The following MOCS2 variants were observed in gnomAD, a reference collection of about 807,000 sequenced individuals.
The protein encoded by MOCS2 is molybdopterin synthase catalytic subunit.
MOCS2 carries 13 observed loss-of-function variants against 21.9 expected under a neutral mutation model. The ratio of observed to expected loss-of-function variants is 0.59; its 90% confidence interval spans 0.39 to 0.94. The LOEUF is 0.94. Among genes scored for constraint, MOCS2 ranks in the 40% least tolerant of loss-of-function variants. The pLI is 0.00. For synonymous variants in MOCS2, 92 were observed against 80.8 expected (o/e 1.14, Z -0.74); for missense variants, 227 against 218.3 (o/e 1.04, Z -0.25).
intron 2 of MOCS2, 36 bp downstream of exon 2, chr5:53,108,483 TAAG>T (rs1166233454): frequency 9.0e-6 from 14 of 1,552,536 alleles, no homozygotes; most frequent in Non-Finnish European, 1.2e-5. Flanking sequence ...TGAAAATATC[TAAG>T]TGTTACTCAT....
At position 53,109,367 on chromosome 5, in the gene MOCS2, T is replaced by C. The variant is rs1741140618; in HGVS notation, c.-286A>G. 1 of 1,153,190 alleles carries C rather than the reference T, an allele frequency of 8.7e-7. No individual in the cohort carries two copies. The highest frequency in any genetic ancestry group is 1.6e-5 in the African/African-American group (1 of 62,482). 71.4% of individuals were successfully genotyped at this position (1,153,190 alleles called of 1,614,324 possible). On this transcript the variant is annotated 5_prime_UTR_variant, in exon 1 of 7. Transcript: ENST00000396954. ...CACAAGAATTCTCCATGAGGTGCAT[T>C]TCTTTTTAGATTAAAATTTTAGCTT...
intron 3 of MOCS2, among the ~76,000 whole-genome samples, chr5:53,103,193 T>G (rs1740964271): frequency 6.6e-6 from 1 of 152,210 alleles, no homozygotes; most frequent in Non-Finnish European, 1.5e-5. Flanking sequence ...TGTATAAATA[T>G]TCATAATGAA....
At chr5:53,105,487 T>C (rs1418294092) in intron 3 of MOCS2, among the ~76,000 whole-genome samples, 1 of 152,200 alleles carries the variant, frequency 6.6e-6, no homozygotes, top group African/African-American at 2.4e-5. Flanking sequence ...GGATACCCTA[T>C]TCAATACATG....
chr5:53,109,677 G>C lies in MOCS2; in HGVS notation c.-596C>G. The C allele has an allele frequency of 6.4e-7, 1 of 1,551,474 alleles. No individual in the cohort carries two copies. Among genetic ancestry groups the C allele is most frequent in the South Asian group, 1.2e-5 (1 of 84,084 alleles). On this transcript the variant is annotated 5_prime_UTR_variant, in exon 1 of 7. Coordinates refer to ENST00000396954, the MANE Select transcript of MOCS2 (RefSeq NM_004531.5). ...GGAGAGACACGTCGAGGAGGGCTCCGCACCCAGGCCCGCACGCACACCCGC... is the reference window on the plus strand; with the variant it reads ...GGAGAGACACGTCGAGGAGGGCTCCCCACCCAGGCCCGCACGCACACCCGC...
chr5:53,108,661 G>A lies in MOCS2; in HGVS notation c.-169-18C>T, dbSNP rs759733127. ...ACTTCAACCTGAAAGTAAAGAAAAT[G>A]CTTTTAATAACAACTCATACTCGTT... On this transcript the variant is annotated intron_variant, in intron 1 of 6. Transcript: ENST00000396954. 1 of 1,610,252 alleles carries A rather than the reference G, an allele frequency of 6.2e-7. No homozygotes were observed. Among genetic ancestry groups the A allele is most frequent in the East Asian group, 2.2e-5 (1 of 44,662 alleles).
At chr5:53,108,728 G>A (rs1741121015) in intron 1 of MOCS2, 85 bp from the exon 2 acceptor site, 3 of 1,388,240 alleles carry the variant, frequency 2.2e-6, no homozygotes, top group South Asian at 1.4e-5. Flanking sequence ...TTTTCCAAAT[G>A]TATTGCTTTA....
At chr5:53,100,692 T>G in intron 5 of MOCS2, 158 bp from the exon 6 acceptor site, 1 of 733,578 alleles carries the variant, frequency 1.4e-6, no homozygotes, top group Non-Finnish European at 2.2e-6. Flanking sequence ...AGTAATTAAT[T>G]GCAGTAGCAT....
At position 53,109,713 on chromosome 5, in the gene MOCS2, TG is replaced by T; in HGVS notation, c.-633del. ...CGCACGCACACCCGCCACCCTTACCTGGCACAGCGGCACCATCCCGCCTAGG... is the reference window on the plus strand; with the variant it reads ...CGCACGCACACCCGCCACCCTTACCTGCACAGCGGCACCATCCCGCCTAGG... On this transcript the variant is annotated 5_prime_UTR_variant, in exon 1 of 7. The change creates a premature stop within an existing upstream ORF in the 5' untranslated region. Transcript: ENST00000396954. 1 of 1,553,028 alleles carries T rather than the reference TG, an allele frequency of 6.4e-7. No individual in the cohort carries two copies. Among genetic ancestry groups the T allele is most frequent in the Middle Eastern group, 1.7e-4 (1 of 5,818 alleles).
chr5:53,101,939 A>G (rs982391151), intron 4 of MOCS2, among the ~76,000 whole-genome samples, 158 bp downstream of exon 4: 4 of 152,236 alleles, frequency 2.6e-5, no homozygotes, highest in Non-Finnish European at 4.4e-5. Context: ...AGGTTACTAA[A>G]ACAAAACAAG....
rs1363742988 is a variant in MOCS2, at chr5:53,108,820, G to C, written c.-169-177C>G. 2.0e-5 allele frequency among the ~76,000 whole-genome samples: 3 copies of C among 152,178 alleles called. No individual in the cohort carries two copies. The East Asian group carries it at 5.8e-4, about 29-fold the overall frequency. On this transcript the variant is annotated intron_variant, in intron 1 of 6. Transcript: ENST00000396954. ...CTACAAGTTCAAATTCTGAAAACTTGTTGTTTTAAATACAATTCAGACTAA... is the reference window on the plus strand; with the variant it reads ...CTACAAGTTCAAATTCTGAAAACTTCTTGTTTTAAATACAATTCAGACTAA...
chr5:53,107,267 C>T, intron 2 of MOCS2, 46 bp from the exon 3 acceptor site: 1 of 1,549,976 alleles, frequency 6.5e-7, no homozygotes, highest in Non-Finnish European at 8.8e-7. Context: ...CTATGATAGA[C>T]CTCAAATCGC....
intron 6 of MOCS2, among the ~76,000 whole-genome samples, chr5:53,099,219 C>T (rs1740839988): frequency 1.3e-5 from 2 of 152,210 alleles, no homozygotes; most frequent in Admixed American, 1.3e-4. Context: ...TGCACTTCCT[C>T]GGACTCTCTA....
intron 5 of MOCS2, 198 bp downstream of exon 5, chr5:53,101,161 C>T: frequency 1.6e-6 from 1 of 631,708 alleles, no homozygotes; most frequent in Admixed American, 2.6e-5. Flanking sequence ...ACAGAGGCAA[C>T]AAGAGCTCTC....
chr5:53,100,427 A>T lies in MOCS2; in HGVS notation c.485T>A (p.Val162Glu). ...SYAIDTLKAK[V>E]PIWKKEIYEE... Reference sequence around the variant, plus strand: ...TTAACTTACCTTTTTCCATATGGGCACCTTGGCTTTTAAAGTATCAATGGC... The same window carrying T: ...TTAACTTACCTTTTTCCATATGGGCTCCTTGGCTTTTAAAGTATCAATGGC... Residue 162 changes from valine to glutamate, a missense_variant, in exon 6 of 7, where the codon GTG (valine) becomes GAG (glutamate). Physicochemically the swap from Val to Glu is moderately radical, Grantham distance 121. Coordinates refer to ENST00000396954, the MANE Select transcript of MOCS2 (RefSeq NM_004531.5). The T allele has an allele frequency of 6.2e-7, 1 of 1,613,924 alleles. No homozygotes were observed. The highest frequency in any genetic ancestry group is 8.5e-7 in the Non-Finnish European group (1 of 1,179,826).
chr5:53,109,378 T>G lies in MOCS2; in HGVS notation c.-297A>C. On this transcript the variant is annotated 5_prime_UTR_variant, in exon 1 of 7. The change abolishes the stop of an existing upstream ORF in the 5' untranslated region. Coordinates refer to ENST00000396954, the MANE Select transcript of MOCS2 (RefSeq NM_004531.5). The stretch of plus-strand genomic sequence containing the variant: ...TCCATGAGGTGCATTTCTTTTTAGA[T>G]TAAAATTTTAGCTTCATCAAAACGA... The G allele has an allele frequency of 8.5e-7, 1 of 1,170,240 alleles. No individual in the cohort carries two copies. Among genetic ancestry groups the G allele is most frequent in the Non-Finnish European group, 1.1e-6 (1 of 948,384 alleles). The allele number at this position is 1,170,240 out of a possible 1,614,324, so 72.5% of individuals were successfully genotyped here. A position where few individuals can be genotyped will look rare whatever the true frequency, so the allele number is the denominator to read the frequency against.
intron 1 of MOCS2, 122 bp downstream of exon 1, chr5:53,109,129 A>T (rs1010664524): frequency 1.6e-4 from 38 of 234,468 alleles, no homozygotes; most frequent in Non-Finnish European, 2.5e-4. Flanking sequence ...GTTATGCAAC[A>T]TAGTAAATCT....
chr5:53,105,697 G>C (rs903242068), intron 3 of MOCS2, among the ~76,000 whole-genome samples: 1 of 152,078 alleles, frequency 6.6e-6, no homozygotes, highest in Non-Finnish European at 1.5e-5. Context: ...GACTCAAAAA[G>C]CAATTGCAGC....
rs1053148075 is a variant in MOCS2 at position 53,098,808 on chromosome 5, T to G, written c.502-141A>C. 3 of 703,422 alleles carry G rather than the reference T, an allele frequency of 4.3e-6. No individual in the cohort carries two copies. The African/African-American group carries it at 5.4e-5, about 13-fold the overall frequency. 43.6% of individuals were successfully genotyped at this position (703,422 alleles called of 1,614,324 possible). A position where few individuals can be genotyped will look rare whatever the true frequency, so the allele number is the denominator to read the frequency against. On this transcript the variant is annotated intron_variant, in intron 6 of 6. Coordinates refer to ENST00000396954, the MANE Select transcript of MOCS2 (RefSeq NM_004531.5). ...TTAACAATCATGACGAGAGACATCA[T>G]GGGCAAGGTTACATAGGGGAAGACA...
chr5:53,109,206 C>T, intron 1 of MOCS2, 45 bp downstream of exon 1: 2 of 848,074 alleles, frequency 2.4e-6, no homozygotes, highest in Middle Eastern at 6.1e-4. Flanking sequence ...CAAACTTGTG[C>T]CAGCAGCCTG....
Sources: allele counts gnomAD v4.1 joint callset (sites outside exome capture counted in the v4.1 genomes callset), GRCh38; gene constraint gnomAD v4.1.1; transcripts MANE v1.5; gene names NCBI Gene and HGNC (gene_info 2026-07-23, HGNC 2026-07-21).